Variants in KANK1 observed in about 807,000 individuals in gnomAD.
KANK1 encodes the protein KN motif and ankyrin repeat domain-containing protein 1.
KANK1 carries 109 observed loss-of-function variants against 106.2 expected under a neutral mutation model. The ratio of observed to expected loss-of-function variants is 1.03; its 90% CI spans 0.88 to 1.20. The LOEUF (loss-of-function observed/expected upper bound fraction) is 1.20. Ranked by LOEUF, KANK1 falls within the 50% of genes most tolerant of loss-of-function variation. KANK1 has a pLI of 0.00. For missense variants in KANK1, 2,399 were observed against 1,710.7 expected, an observed-to-expected ratio of 1.40 and a Z score of -7.10; for synonymous variants, 873 against 652.2, an observed-to-expected ratio of 1.34 and a Z score of -5.16.
intron 1 of KANK1, among the ~76,000 whole-genome samples, chr9:513,923 A>G (rs2059142792): frequency 6.6e-6 from 1 of 152,270 alleles, no homozygotes; most frequent in South Asian, 2.1e-4. Flanking sequence ...AGGCTGTGGC[A>G]GGAGAATTGC....
Position 723,695 on chromosome 9 carries a change from TAAAC to T in KANK1, c.2699-6352_2699-6349del, listed in dbSNP as rs1829946809. ...TTTTTTAAAAATTTTAAGTTGTATT[TAAAC>T]AAAGAGAACCTATGGATTAAAAGAC... On this transcript the variant is annotated intron_variant, in intron 3 of 11. Coordinates refer to ENST00000382297, the MANE Select transcript of KANK1 (RefSeq NM_015158.5). Among the ~76,000 whole-genome samples, 5 of 152,132 alleles carry T rather than the reference TAAAC, an allele frequency of 3.3e-5. 1 individual carries two copies. In the South Asian group the frequency reaches 8.3e-4, roughly 25 times the overall value.
intron 1 of KANK1, among the ~76,000 whole-genome samples, chr9:528,763 C>G (rs2059924169): frequency 6.6e-6 from 1 of 152,080 alleles, no homozygotes; most frequent in Admixed American, 6.5e-5. Context: ...GCTGGGATTA[C>G]AGGCATGAGC....
Position 706,855 on chromosome 9 carries a change from C to G in KANK1, c.38-3949C>G, listed in dbSNP as rs964177079. ...GGTGACCGAGGGCTGGGCAGGAGGA[C>G]ACAGACTCTTTCATGAAGCAGTGAC... On this transcript the variant is annotated intron_variant, in intron 2 of 11. Coordinates refer to ENST00000382297, the MANE Select transcript of KANK1 (RefSeq NM_015158.5). 7.1e-6 allele frequency: 7 copies of G among 985,334 alleles called. No homozygotes were observed. In the African/African-American group the frequency reaches 1.2e-4, roughly 17 times the overall value. The allele number at this position is 985,334 out of a possible 1,614,324, so 61.0% of individuals were successfully genotyped here.
chr9:529,109 A>G (rs1429749148), intron 1 of KANK1, among the ~76,000 whole-genome samples: 1 of 149,730 alleles, frequency 6.7e-6, no homozygotes, highest in Non-Finnish European at 1.5e-5. Context: ...CATGGCTCAG[A>G]TTTAAAAGAT....
intron 3 of KANK1, among the ~76,000 whole-genome samples, chr9:489,847 A>G (rs1226984797): frequency 1.3e-5 from 2 of 152,358 alleles, no homozygotes; most frequent in African/African-American, 2.4e-5. Flanking sequence ...CCAAGATTAT[A>G]GTTAACAGTT....
At chr9:717,426 G>A (rs566693423) in intron 3 of KANK1, among the ~76,000 whole-genome samples, 16 of 152,326 alleles carry the variant, frequency 1.1e-4, no homozygotes, top group African/African-American at 3.4e-4. Flanking sequence ...CTGTATTTTA[G>A]AAACATATAT....
chr9:638,098 T>G (rs1837565610), intron 1 of KANK1, among the ~76,000 whole-genome samples: 2 of 152,308 alleles, frequency 1.3e-5, no homozygotes, highest in South Asian at 4.1e-4. Context: ...CAGTAACTAT[T>G]AGAGAAACTG....
chr9:717,388 G>C (rs990880183), intron 3 of KANK1, among the ~76,000 whole-genome samples: 3 of 152,162 alleles, frequency 2.0e-5, no homozygotes, highest in African/African-American at 4.8e-5. Flanking sequence ...CGTGTGTTTG[G>C]TATTTACAGA....
At chr9:685,806 G>C (rs1474429113) in intron 2 of KANK1, among the ~76,000 whole-genome samples, 2 of 152,168 alleles carry the variant, frequency 1.3e-5, no homozygotes, top group Non-Finnish European at 2.9e-5. Context: ...GTGGCTTTCT[G>C]AATTTAGTCT....
chr9:670,287 T>A (rs1411614335), intron 1 of KANK1, among the ~76,000 whole-genome samples: 1 of 152,206 alleles, frequency 6.6e-6, no homozygotes, highest in East Asian at 1.9e-4. Flanking sequence ...GATATATGTC[T>A]GTGTCTTTGC....
At chr9:702,221 T>A (rs1177941971) in intron 2 of KANK1, among the ~76,000 whole-genome samples, 1 of 90,098 alleles carries the variant, frequency 1.1e-5, no homozygotes, top group East Asian at 2.0e-4. Flanking sequence ...TGTCTAGGAG[T>A]GAGTTGGCTC....
chr9:717,764 A>G (rs546637783), intron 3 of KANK1, among the ~76,000 whole-genome samples: 38 of 152,192 alleles, frequency 2.5e-4, no homozygotes, highest in Middle Eastern at 6.8e-3. Context: ...TTTAATTACT[A>G]TTTTCTTCTA....
chr9:581,942 C>T (rs1031571064), intron 1 of KANK1, among the ~76,000 whole-genome samples: 1 of 152,198 alleles, frequency 6.6e-6, no homozygotes, highest in Non-Finnish European at 1.5e-5. Context: ...CTTCCAAGAT[C>T]TCCCTTAAGT....
At chr9:630,256 G>GA (rs904135160) in intron 1 of KANK1, among the ~76,000 whole-genome samples, 23 of 142,316 alleles carry the variant, frequency 1.6e-4, no homozygotes, top group African/African-American at 5.5e-4. Flanking sequence ...TTAAAAAAAA[G>GA]AAAAAAAACG....
chr9:521,217 A>G (rs192497320), intron 1 of KANK1, among the ~76,000 whole-genome samples: 3 of 151,898 alleles, frequency 2.0e-5, no homozygotes, highest in East Asian at 1.9e-4. Context: ...TTGGTTATTC[A>G]CCATCTACAT....
At chr9:506,073 A>G (rs1440815158) in intron 1 of KANK1, among the ~76,000 whole-genome samples, 1 of 152,178 alleles carries the variant, frequency 6.6e-6, no homozygotes, top group Non-Finnish European at 1.5e-5. Context: ...AGTGGTTTTT[A>G]ATATATCCGT....
At chr9:591,916 C>T (rs1393634309) in intron 1 of KANK1, among the ~76,000 whole-genome samples, 1 of 151,764 alleles carries the variant, frequency 6.6e-6, no homozygotes, top group African/African-American at 2.4e-5. Context: ...ACCTCAGCCT[C>T]TGAAAATGCT....
At chr9:686,308 G>GT (rs1051269391) in intron 2 of KANK1, among the ~76,000 whole-genome samples, 22 of 152,182 alleles carry the variant, frequency 1.4e-4, no homozygotes, top group African/African-American at 5.3e-4. Flanking sequence ...CCACGAATAT[G>GT]TTTTTTGGGG....
At chr9:495,938 A>G (rs1245476355) in intron 3 of KANK1, among the ~76,000 whole-genome samples, 3 of 152,028 alleles carry the variant, frequency 2.0e-5, no homozygotes, top group African/African-American at 7.3e-5. Context: ...ACAGTGACTC[A>G]GTGTAAAGTT....
Sources: allele counts gnomAD v4.1 joint callset (sites outside exome capture counted in the v4.1 genomes callset), GRCh38; gene constraint gnomAD v4.1.1; transcripts MANE v1.5; gene names NCBI Gene and HGNC (gene_info 2026-07-23, HGNC 2026-07-21).